CASQ2: variants seen among roughly 807,000 people sequenced by gnomAD.
The protein encoded by CASQ2 is calsequestrin 2, also known as calsequestrin-2.
A neutral mutation model predicts 46.5 loss-of-function variants in CASQ2; 49 were observed. The observed-to-expected ratio is 1.05, with a 90% CI of 0.84 to 1.34. The LOEUF (loss-of-function observed/expected upper bound fraction) is 1.34. Ranked by LOEUF, CASQ2 falls within the 40% of genes most tolerant of loss-of-function variation. CASQ2 has a pLI of 0.00. For synonymous variants in CASQ2, 174 were observed against 168.5 expected (o/e 1.03, Z -0.25); for missense variants, 486 against 481.3 (o/e 1.01, Z -0.09).
Position 115,705,195 on chromosome 1 carries a change from A to C in CASQ2, c.936T>G (p.Pro312=). The change falls in exon 9 of 11, where the codon CCT becomes CCG. Residue 312 remains proline (P), a synonymous_variant. Coordinates refer to ENST00000261448, the MANE Select transcript of CASQ2 (RefSeq NM_001232.4). ...SILWIDPDDF[P]LLVAYWEKTF... Reference sequence around the variant, plus strand: ...GGCGCTGGCTGGAGCCACTCACCAGAGGAAAGTCGTCCGGGTCGATCCACA... The same window carrying C: ...GGCGCTGGCTGGAGCCACTCACCAGCGGAAAGTCGTCCGGGTCGATCCACA... The C allele has an allele frequency of 6.2e-7, 1 of 1,606,686 alleles. No homozygotes were observed. Among genetic ancestry groups the C allele is most frequent in the Middle Eastern group, 1.7e-4 (1 of 6,038 alleles).
intron 7 of CASQ2, among the ~76,000 whole-genome samples, chr1:115,721,060 A>G (rs577538241): frequency 6.6e-6 from 1 of 152,334 alleles, no homozygotes; most frequent in East Asian, 1.9e-4. Context: ...AGAGATGCAA[A>G]GAAAAATGCG....
At chr1:115,744,435 G>A (rs971469708) in intron 2 of CASQ2, among the ~76,000 whole-genome samples, 1 of 152,182 alleles carries the variant, frequency 6.6e-6, no homozygotes, top group African/African-American at 2.4e-5. Flanking sequence ...TGCTTCAGCC[G>A]CAAGGCAACG....
At position 115,768,197 on chromosome 1, in the gene CASQ2, G is replaced by C. The variant is rs4484922; in HGVS notation, c.234+111C>G. On this transcript the variant is annotated intron_variant, in intron 1 of 10. Transcript: ENST00000261448. ...TCACGTGAGGCCAAAATAAAGCAGAGTTCAGTATATATTCTCTGCATCCTC... is the reference window on the plus strand; with the variant it reads ...TCACGTGAGGCCAAAATAAAGCAGACTTCAGTATATATTCTCTGCATCCTC... 0.31 allele frequency: 247,622 copies of C among 786,988 alleles called. 41,147 individuals are homozygous for C. Among genetic ancestry groups the C allele is most frequent in the East Asian group, 0.51 (20,712 of 40,220 alleles). The allele number at this position is 786,988 out of a possible 1,614,324, so 48.8% of individuals were successfully genotyped here. A position where few individuals can be genotyped will look rare whatever the true frequency, so the allele number is the denominator to read the frequency against.
At chr1:115,747,389 T>C (rs1201183769) in intron 1 of CASQ2, among the ~76,000 whole-genome samples, 3 of 152,220 alleles carry the variant, frequency 2.0e-5, no homozygotes, top group Non-Finnish European at 2.9e-5. Context: ...GGATCAAGTA[T>C]ATCTGAAAGC....
chr1:115,711,667 G>C (rs1357911408), intron 8 of CASQ2, among the ~76,000 whole-genome samples: 1 of 139,422 alleles, frequency 7.2e-6, no homozygotes, highest in South Asian at 2.3e-4. Context: ...CTTTGTTTTT[G>C]TTTTTGAGAT....
intron 8 of CASQ2, among the ~76,000 whole-genome samples, chr1:115,713,481 G>A (rs1272384928): frequency 1.3e-5 from 2 of 152,180 alleles, no homozygotes; most frequent in African/African-American, 4.8e-5. Context: ...GGGAGTACAG[G>A]GTTGCTGCCT....
chr1:115,704,422 G>T (rs1009480345), intron 9 of CASQ2, among the ~76,000 whole-genome samples: 6 of 152,172 alleles, frequency 3.9e-5, no homozygotes, highest in Non-Finnish European at 4.4e-5. Flanking sequence ...TTGTGACAGG[G>T]ATTATAATAG....
chr1:115,718,557 G>T (rs1647255697), intron 7 of CASQ2, among the ~76,000 whole-genome samples: 1 of 152,264 alleles, frequency 6.6e-6, no homozygotes, highest in Middle Eastern at 3.4e-3. Flanking sequence ...GCTAGAAGTG[G>T]CCTCTAGGTG....
At chr1:115,766,501 T>C (rs2101128100) in intron 1 of CASQ2, among the ~76,000 whole-genome samples, 1 of 152,362 alleles carries the variant, frequency 6.6e-6, no homozygotes, top group Non-Finnish European at 1.5e-5. Context: ...TTTCTTAAGC[T>C]GCATGATAGT....
rs150251913 is a variant in CASQ2, at chr1:115,703,355, T to G, written c.940-360A>C. 2.3e-3 allele frequency among the ~76,000 whole-genome samples: 349 copies of G among 152,260 alleles called. 1 individual carries two copies. The highest frequency in any genetic ancestry group is 7.9e-3 in the African/African-American group (328 of 41,558). On this transcript the variant is annotated intron_variant, in intron 9 of 10. Transcript: ENST00000261448. ...TAAAAATACCTTATCTTGTGCTACATGAGATAGCTGGGAAAGCCATGATGG... is the reference window on the plus strand; with the variant it reads ...TAAAAATACCTTATCTTGTGCTACAGGAGATAGCTGGGAAAGCCATGATGG...
At chr1:115,749,781 A>G (rs10754354) in intron 1 of CASQ2, among the ~76,000 whole-genome samples, 41,599 of 151,830 alleles carry the variant, frequency 0.27, 6,091 homozygotes, top group East Asian at 0.43. Flanking sequence ...CTCCACCTTT[A>G]CTTTGGCCCT....
intron 8 of CASQ2, among the ~76,000 whole-genome samples, chr1:115,714,348 G>A (rs1457534192): frequency 2.0e-5 from 3 of 152,106 alleles, no homozygotes; most frequent in African/African-American, 7.2e-5. Flanking sequence ...AGTGATTTGG[G>A]CAACTTATTT....
chr1:115,732,425 C>T (rs1055205382), intron 5 of CASQ2, among the ~76,000 whole-genome samples: 3 of 152,212 alleles, frequency 2.0e-5, no homozygotes, highest in Non-Finnish European at 4.4e-5. Flanking sequence ...AATCTCATCC[C>T]ACCACGTCCC....
chr1:115,734,977 A>G (rs1647908679), intron 4 of CASQ2, among the ~76,000 whole-genome samples: 1 of 152,258 alleles, frequency 6.6e-6, no homozygotes, highest in South Asian at 2.1e-4. Flanking sequence ...AGTGTACACA[A>G]TTAAATGTAT....
At chr1:115,740,912 T>C in intron 2 of CASQ2, 84 bp from the exon 3 acceptor site, 2 of 901,112 alleles carry the variant, frequency 2.2e-6, no homozygotes, top group Admixed American at 1.8e-5. Flanking sequence ...GCTGAGGGTT[T>C]CTGGGTGACA....
At chr1:115,726,947 T>TGCCCCCACCCCCCCC in intron 6 of CASQ2, 45 bp downstream of exon 6, 5 of 1,036,542 alleles carry the variant, frequency 4.8e-6, no homozygotes, top group East Asian at 2.7e-5. Context: ...TCCTCTCCAT[T>TGCCCCCACCCCCCCC]CCCCAGACCC....
chr1:115,707,062 G>C (rs930422800), intron 8 of CASQ2, among the ~76,000 whole-genome samples: 55 of 150,510 alleles, frequency 3.7e-4, no homozygotes, highest in African/African-American at 4.9e-5. Flanking sequence ...CTGTTGCCCA[G>C]GCTGGAGTGC....
chr1:115,742,768 C>CTGTTTGTTTGTT (rs35672650), intron 2 of CASQ2, among the ~76,000 whole-genome samples: 48 of 150,480 alleles, frequency 3.2e-4, no homozygotes, highest in Non-Finnish European at 5.0e-4. Flanking sequence ...ACTCATTAAA[C>CTGTTTGTTTGTT]TGTTTGTTTG....
rs147112720 is a variant in CASQ2, at chr1:115,702,386, G to A, written c.1014+535C>T. Among the ~76,000 whole-genome samples, 59 of 152,230 alleles carry A rather than the reference G, an allele frequency of 3.9e-4. No individual in the cohort carries two copies. In the East Asian group the frequency reaches 9.5e-3, roughly 25 times the overall value. ...ATGGACTGAGATCTAAGATTTCCTC[G>A]CATTCTGCCAGTGTACCTCACTAGC... On this transcript the variant is annotated intron_variant, in intron 10 of 10. Coordinates refer to ENST00000261448, the MANE Select transcript of CASQ2 (RefSeq NM_001232.4).
Sources: gnomAD v4.1 joint callset for allele counts (sites outside exome capture counted in the v4.1 genomes callset) on GRCh38, gnomAD v4.1.1 for gene constraint, MANE v1.5 for transcripts, NCBI Gene and HGNC (gene_info 2026-07-23, HGNC 2026-07-21) for gene names.